Variants in ERC2 observed in about 807,000 individuals in gnomAD.
ERC2 encodes ERC protein 2.
In ERC2, 42 loss-of-function variants were observed where a neutral mutation model predicts 114.8. That is an observed-to-expected ratio of 0.37 (90% CI 0.29 to 0.47). The LOEUF (loss-of-function observed/expected upper bound fraction) is 0.47, where lower values mean the gene tolerates loss of function less well. Ranked by LOEUF, ERC2 falls within the 20% of genes least tolerant of loss-of-function variation. The probability of loss-of-function intolerance (pLI) is 0.99; values close to 1 mark genes in which losing one functional copy is unlikely to be tolerated. For synonymous variants in ERC2, 454 were observed against 425.5 expected (o/e 1.07, Z -0.82); for missense variants, 939 against 1,150.7 (o/e 0.82, Z 2.66).
At chr3:56,371,390 T>C (rs1159414173) in intron 2 of ERC2, among the ~76,000 whole-genome samples, 1 of 152,184 alleles carries the variant, frequency 6.6e-6, no homozygotes, top group South Asian at 2.1e-4. Flanking sequence ...CAAAAGGATA[T>C]ATATACCTGA....
intron 13 of ERC2, among the ~76,000 whole-genome samples, chr3:55,925,108 G>T (rs766934508): frequency 6.6e-6 from 1 of 152,146 alleles, no homozygotes; most frequent in Non-Finnish European, 1.5e-5. Flanking sequence ...GAAACAAAGA[G>T]CAGGATATGT....
intron 2 of ERC2, among the ~76,000 whole-genome samples, chr3:56,324,938 C>T (rs1009180341): frequency 7.3e-5 from 11 of 151,670 alleles, no homozygotes; most frequent in African/African-American, 2.7e-4. Flanking sequence ...GTTTCCCCTC[C>T]CTCAGTTTTC....
chr3:55,529,442 A>G (rs1482297552), intron 17 of ERC2, among the ~76,000 whole-genome samples: 2 of 152,212 alleles, frequency 1.3e-5, no homozygotes, highest in Non-Finnish European at 2.9e-5. Flanking sequence ...AATATCTTGG[A>G]ATTTTTAAAC....
At chr3:56,403,844 G>A (rs535338481) in intron 2 of ERC2, among the ~76,000 whole-genome samples, 1 of 152,130 alleles carries the variant, frequency 6.6e-6, no homozygotes, top group Admixed American at 6.5e-5. Flanking sequence ...TCATCTTCCA[G>A]TCTATAAAAG....
chr3:56,388,137 A>C (rs2059999999), intron 2 of ERC2, among the ~76,000 whole-genome samples: 1 of 152,172 alleles, frequency 6.6e-6, no homozygotes, highest in Non-Finnish European at 1.5e-5. Flanking sequence ...TTCAGCACTG[A>C]GCATACAATG....
chr3:56,200,158 C>T (rs1376913654), intron 3 of ERC2, among the ~76,000 whole-genome samples: 2 of 151,992 alleles, frequency 1.3e-5, no homozygotes, highest in African/African-American at 4.8e-5. Flanking sequence ...AGGGCCAGTA[C>T]ATTAGGTGAG....
intron 14 of ERC2, among the ~76,000 whole-genome samples, chr3:55,864,291 T>C (rs1241195015): frequency 6.7e-6 from 1 of 149,704 alleles, no homozygotes; most frequent in Non-Finnish European, 1.5e-5. Flanking sequence ...ATATGTATAT[T>C]ATATATATAT....
intron 4 of ERC2, among the ~76,000 whole-genome samples, chr3:56,163,109 A>C (rs1178948064): frequency 6.6e-6 from 1 of 152,036 alleles, no homozygotes; most frequent in East Asian, 1.9e-4. Context: ...GTTCTGCCTT[A>C]ATTTCACTGT....
chr3:55,944,051 AGT>A (rs1343659987), intron 13 of ERC2, among the ~76,000 whole-genome samples: 4 of 152,248 alleles, frequency 2.6e-5, no homozygotes, highest in African/African-American at 9.6e-5. Flanking sequence ...TCTAAAAAAT[AGT>A]GTGAGTTTGC....
chr3:55,575,060 C>T (rs1220684783), intron 17 of ERC2, among the ~76,000 whole-genome samples: 1 of 152,222 alleles, frequency 6.6e-6, no homozygotes. Flanking sequence ...GTTGCCCAGA[C>T]TGGAGTGCAG....
At chr3:55,748,096 A>T (rs2066425284) in intron 14 of ERC2, among the ~76,000 whole-genome samples, 1 of 152,230 alleles carries the variant, frequency 6.6e-6, no homozygotes, top group South Asian at 2.1e-4. Flanking sequence ...AGCCAGCCCA[A>T]GAAACAATGG....
intron 3 of ERC2, among the ~76,000 whole-genome samples, chr3:56,287,789 G>A (rs1347395878): frequency 6.6e-6 from 1 of 152,156 alleles, no homozygotes; most frequent in Non-Finnish European, 1.5e-5. Flanking sequence ...TATGTGCTCT[G>A]AGAACCTGGG....
At chr3:55,644,705 G>T (rs2148662508) in intron 17 of ERC2, among the ~76,000 whole-genome samples, 1 of 151,626 alleles carries the variant, frequency 6.6e-6, no homozygotes, top group South Asian at 2.1e-4. Flanking sequence ...TTTGGAGTTT[G>T]GTGTAGATTT....
chr3:55,684,885 G>T (rs1225781100), intron 16 of ERC2, among the ~76,000 whole-genome samples: 2 of 152,002 alleles, frequency 1.3e-5, no homozygotes, highest in African/African-American at 4.8e-5. Flanking sequence ...TCCATAATTT[G>T]CTTCTTGTTT....
At chr3:56,064,113 C>T (rs924477992) in intron 7 of ERC2, among the ~76,000 whole-genome samples, 6 of 152,166 alleles carry the variant, frequency 3.9e-5, no homozygotes, top group Non-Finnish European at 5.9e-5. Context: ...GAATGAATTC[C>T]TAGGTAAAGA....
chr3:56,244,666 G>A (rs79050029), intron 3 of ERC2, among the ~76,000 whole-genome samples: 1 of 152,058 alleles, frequency 6.6e-6, no homozygotes, highest in Non-Finnish European at 1.5e-5. Context: ...AAGAATATAA[G>A]GAAAATATTT....
intron 17 of ERC2, among the ~76,000 whole-genome samples, chr3:55,591,891 G>C (rs1243395177): frequency 6.6e-6 from 1 of 152,204 alleles, no homozygotes; most frequent in African/African-American, 2.4e-5. Context: ...ATACATAGCA[G>C]AGGCAATTCT....
At chr3:56,007,147 A>G (rs1040925725) in intron 10 of ERC2, 34 bp downstream of exon 10, 16 of 1,518,318 alleles carry the variant, frequency 1.1e-5, no homozygotes, top group Non-Finnish European at 1.4e-5. Context: ...TCATTTTTAA[A>G]TAAGCATGAT....
intron 10 of ERC2, among the ~76,000 whole-genome samples, chr3:56,000,862 T>C (rs1270884014): frequency 6.6e-6 from 1 of 150,602 alleles, no homozygotes; most frequent in East Asian, 1.9e-4. Flanking sequence ...AGACCAGTCT[T>C]AGGCAACAGA....
Sources: allele counts gnomAD v4.1 joint callset (sites outside exome capture counted in the v4.1 genomes callset), GRCh38; gene constraint gnomAD v4.1.1; transcripts MANE v1.5; gene names NCBI Gene and HGNC (gene_info 2026-07-23, HGNC 2026-07-21).